Variants in PIKFYVE observed in about 807,000 individuals in gnomAD.
PIKFYVE encodes 1-phosphatidylinositol 3-phosphate 5-kinase.
PIKFYVE carries 122 observed loss-of-function variants against 257.9 expected under a neutral mutation model. That is an observed-to-expected ratio of 0.47 (90% CI 0.41 to 0.55). PIKFYVE has a LOEUF of 0.55. Ranked by LOEUF, PIKFYVE falls within the 20% of genes least tolerant of loss-of-function variation. PIKFYVE has a pLI of 0.00. For missense variants in PIKFYVE, 2,160 were observed against 2,536.6 expected (o/e 0.85, Z 3.19); for synonymous variants, 892 against 868.9 (o/e 1.03, Z -0.47).
intron 6 of PIKFYVE, among the ~76,000 whole-genome samples, chr2:208,287,094 TAAAATTTA>T (rs55865154): frequency 0.93 from 141,089 of 151,538 alleles, 66,206 homozygotes; most frequent in Non-Finnish European, 0.98. Flanking sequence ...TTAATTAATA[TAAAATTTA>T]AAAATTTAAA....
At chr2:208,330,799 T>C in intron 23 of PIKFYVE, 105 bp downstream of exon 23, 1 of 1,149,206 alleles carries the variant, frequency 8.7e-7, no homozygotes, top group African/African-American at 1.6e-5. Context: ...ATTCGTTATT[T>C]GTTATAGAGC....
At chr2:208,351,863 A>G (rs771847604) in intron 38 of PIKFYVE, among the ~76,000 whole-genome samples, 1 of 152,144 alleles carries the variant, frequency 6.6e-6, no homozygotes, top group African/African-American at 2.4e-5. Context: ...CATGACCCAA[A>G]TACCTCTCAC....
chr2:208,285,356 A>G (rs1290046330), intron 5 of PIKFYVE, among the ~76,000 whole-genome samples: 1 of 152,202 alleles, frequency 6.6e-6, no homozygotes, highest in African/African-American at 2.4e-5. Flanking sequence ...CGGCCTCCCA[A>G]AGTGTTGGGA....
intron 28 of PIKFYVE, 143 bp downstream of exon 28, chr2:208,337,071 A>G (rs1191220223): frequency 1.6e-6 from 1 of 635,414 alleles, no homozygotes; most frequent in African/African-American, 1.8e-5. Flanking sequence ...TGAGGTTTCA[A>G]GGAACTATGA....
chr2:208,288,963 T>C (rs1691937348), intron 7 of PIKFYVE, 145 bp downstream of exon 7: 2 of 1,123,634 alleles, frequency 1.8e-6, no homozygotes, highest in Non-Finnish European at 2.5e-6. Flanking sequence ...ATTTTCTTTT[T>C]GCTATTCAGC....
chr2:208,310,821 AG>A (rs1342622242), intron 12 of PIKFYVE, among the ~76,000 whole-genome samples: 1 of 152,222 alleles, frequency 6.6e-6, no homozygotes, highest in Non-Finnish European at 1.5e-5. Flanking sequence ...GATTGCATCG[AG>A]GCTTAAGAAG....
At chr2:208,340,947 G>A (rs1396213869) in intron 31 of PIKFYVE, among the ~76,000 whole-genome samples, 1 of 151,882 alleles carries the variant, frequency 6.6e-6, no homozygotes. Flanking sequence ...TTTCTTGATT[G>A]GGCTTGGATC....
chr2:208,352,602 A>G (rs1423882164), intron 38 of PIKFYVE, 52 bp from the exon 39 acceptor site: 5 of 1,592,142 alleles, frequency 3.1e-6, no homozygotes, highest in Non-Finnish European at 2.6e-6. Flanking sequence ...TTGGTATTAA[A>G]TTATAAATAA....
In PIKFYVE at chr2:208,335,316, A is replaced by G. The variant is rs1386034340; in HGVS notation, c.4153A>G (p.Ile1385Val). ...GTATTTTCTTCTCAGTTATTCTCCC[A>G]TTCGGCTTCTTGAAGTATGTGTTCC... Reference protein sequence around the residue: ...QMVASFSYSPIRLLEVCVPLP... With the variant: ...QMVASFSYSPVRLLEVCVPLP... Residue 1385 changes from isoleucine (I) to valine (V), a missense_variant, in exon 25 of 42, where the codon ATT becomes GTT. Physicochemically the swap from Ile to Val is conservative, Grantham distance 29. Coordinates refer to ENST00000264380, the MANE Select transcript of PIKFYVE (RefSeq NM_015040.4). The G allele has an allele frequency of 1.2e-6, 2 of 1,602,536 alleles. No individual in the cohort carries two copies. Among genetic ancestry groups the G allele is most frequent in the East Asian group, 2.2e-5 (1 of 44,728 alleles).
At chr2:208,316,523 T>C (rs1695539551) in intron 15 of PIKFYVE, among the ~76,000 whole-genome samples, 1 of 151,964 alleles carries the variant, frequency 6.6e-6, no homozygotes, top group South Asian at 2.1e-4. Flanking sequence ...TTTCTCCACA[T>C]CCTCTCCAGC....
chr2:208,317,593 AAT>A (rs1183384236), intron 15 of PIKFYVE, among the ~76,000 whole-genome samples: 1 of 152,220 alleles, frequency 6.6e-6, no homozygotes, highest in African/African-American at 2.4e-5. Flanking sequence ...TAACTTAAAC[AAT>A]AGTGTTAACT....
rs773865195 is a variant in PIKFYVE at position 208,324,182 on chromosome 2, A to G, written c.2231A>G (p.Asp744Gly). ...FLKNYVQRIV[D>G]VRPTLVLVEK... ...AAGAATTATGTCCAGCGAATAGTTG[A>G]TGTTCGACCCACCTTGGTTCTTGTT... Residue 744 changes from aspartate to glycine, a missense_variant, in exon 18 of 42, where the codon GAT becomes GGT. Asp to Gly is a moderately conservative substitution (Grantham distance 94, BLOSUM62 -1). Transcript: ENST00000264380. 1 of 1,613,834 alleles carries G rather than the reference A, an allele frequency of 6.2e-7. No homozygotes were observed. The highest frequency in any genetic ancestry group is 8.5e-7 in the Non-Finnish European group (1 of 1,179,776).
At chr2:208,353,777 C>A in intron 39 of PIKFYVE, 121 bp from the exon 40 acceptor site, 1 of 1,172,102 alleles carries the variant, frequency 8.5e-7, no homozygotes, top group Non-Finnish European at 1.2e-6. Context: ...TTCAGTTAAA[C>A]TTTGGAGTGT....
intron 34 of PIKFYVE, among the ~76,000 whole-genome samples, chr2:208,346,580 A>C (rs1699253715): frequency 2.0e-5 from 3 of 152,318 alleles, no homozygotes; most frequent in South Asian, 2.1e-4. Context: ...TTATTTTTCA[A>C]GAAGGAACTT....
intron 24 of PIKFYVE, 88 bp downstream of exon 24, chr2:208,333,581 A>G (rs1324435163): frequency 7.1e-7 from 1 of 1,409,880 alleles, no homozygotes; most frequent in Non-Finnish European, 9.8e-7. Flanking sequence ...ACTAGATTGA[A>G]TTAATTTGTG....
At position 208,277,551 on chromosome 2, in the gene PIKFYVE, A is replaced by G. The variant is rs534530738; in HGVS notation, c.456A>G (p.Lys152=). 5 of 1,613,872 alleles carry G rather than the reference A, an allele frequency of 3.1e-6. No individual in the cohort carries two copies. In the African/African-American group the frequency reaches 5.3e-5, roughly 17 times the overall value. The part of the protein sequence containing the change: ...MEGKSQDSDL[K]QYWMPDSQCK... ...TATTGTTATAGGATAGTGACCTGAA[A>G]CAATACTGGATGCCAGATAGCCAAT... Residue 152 remains lysine (K), a synonymous_variant, in exon 5 of 42, where the codon AAA becomes AAG. Coordinates refer to ENST00000264380, the MANE Select transcript of PIKFYVE (RefSeq NM_015040.4).
At position 208,335,381 on chromosome 2, in the gene PIKFYVE, AGT is replaced by A. The variant is rs1698018352; in HGVS notation, c.4221_4222del (p.Ser1408ProfsTer20). Reference sequence around the variant, plus strand: ...TCATTAAGCGTCAGGCCCCATTAAAAGTGTCCCTTCTTCAGGATCTGAAGGAC... The same window carrying A: ...TCATTAAGCGTCAGGCCCCATTAAAAGTCCCTTCTTCAGGATCTGAAGGAC... ...IFIKRQAPLK[V>X]SLLQDLKDFF... is the part of the protein sequence containing the mutation. On this transcript the variant is annotated frameshift_variant, in exon 25 of 42. Transcript: ENST00000264380. LOFTEE classifies it high-confidence loss of function. The A allele has an allele frequency of 6.2e-7, 1 of 1,611,978 alleles. No homozygotes were observed. The highest frequency in any genetic ancestry group is 1.1e-5 in the South Asian group (1 of 91,032).
Position 208,358,215 on chromosome 2 carries a change from G to GC in PIKFYVE, c.*2911dup, listed in dbSNP as rs1159871196. 6.6e-6 allele frequency: 1 copy of GC among 152,578 alleles called. No individual in the cohort carries two copies. Among genetic ancestry groups the GC allele is most frequent in the African/African-American group, 2.4e-5 (1 of 41,436 alleles). The allele number at this position is 152,578 out of a possible 1,614,324, so 9.5% of individuals were successfully genotyped here. On this transcript the variant is annotated 3_prime_UTR_variant, in exon 42 of 42. Coordinates refer to ENST00000264380, the MANE Select transcript of PIKFYVE (RefSeq NM_015040.4). ...CAGCTTCATGACATTTTACCCATTT[G>GC]CAGTGATCCTGTGTAAAACTGCCAA... is the stretch of plus-strand genomic sequence containing the variant.
intron 17 of PIKFYVE, among the ~76,000 whole-genome samples, chr2:208,322,297 C>T (rs1413604233): frequency 6.8e-6 from 1 of 146,392 alleles, no homozygotes; most frequent in African/African-American, 2.5e-5. Flanking sequence ...TGCTTGAGCC[C>T]AGGACTTTGA....
Sources: gnomAD v4.1 joint callset for allele counts (sites outside exome capture counted in the v4.1 genomes callset) on GRCh38, gnomAD v4.1.1 for gene constraint, MANE v1.5 for transcripts, NCBI Gene and HGNC (gene_info 2026-07-23, HGNC 2026-07-21) for gene names.